The following WWOX variants were observed in gnomAD, a reference collection of about 807,000 sequenced individuals.
WWOX encodes WW domain containing oxidoreductase, also known as WW domain-containing oxidoreductase.
In WWOX, 69 loss-of-function variants were observed where a neutral mutation model predicts 46.2. That is an observed-to-expected ratio of 1.49 (90% confidence interval 1.23 to 1.82). The LOEUF (loss-of-function observed/expected upper bound fraction) is 1.82, where lower values mean the gene tolerates loss of function less well. Among genes scored for constraint, WWOX ranks in the 40% most tolerant of loss-of-function variants. The pLI is 0.00. For synonymous variants in WWOX, 359 were observed against 202.6 expected (o/e 1.77, Z -6.56); for missense variants, 919 against 542.6 (o/e 1.69, Z -6.89).
At chr16:78,455,162 C>G (rs190947122) in intron 8 of WWOX, among the ~76,000 whole-genome samples, 1 of 152,212 alleles carries the variant, frequency 6.6e-6, no homozygotes, top group African/African-American at 2.4e-5. Flanking sequence ...GATAAAGTTG[C>G]AGAACAGAGA....
At chr16:78,611,735 G>A (rs1456645068) in intron 8 of WWOX, among the ~76,000 whole-genome samples, 1 of 152,224 alleles carries the variant, frequency 6.6e-6, no homozygotes, top group Non-Finnish European at 1.5e-5. Flanking sequence ...TATGGTGCAT[G>A]TCGCTGATGG....
chr16:78,746,431 A>G (rs2049348365), intron 8 of WWOX, among the ~76,000 whole-genome samples: 2 of 152,198 alleles, frequency 1.3e-5, no homozygotes, highest in African/African-American at 2.4e-5. Flanking sequence ...CCAGGAGTTT[A>G]AGGCTGCAGT....
chr16:78,728,068 T>TCC (rs1485482444), intron 8 of WWOX, among the ~76,000 whole-genome samples: 3 of 140,708 alleles, frequency 2.1e-5, no homozygotes, highest in Admixed American at 7.1e-5. Flanking sequence ...TTTTTTTTTT[T>TCC]TTTTTTTTTT....
intron 5 of WWOX, among the ~76,000 whole-genome samples, chr16:78,203,240 C>A (rs1047124275): frequency 6.6e-6 from 1 of 152,074 alleles, no homozygotes; most frequent in African/African-American, 2.4e-5. Context: ...AATCAAGAGA[C>A]CCACCTTTGC....
intron 8 of WWOX, among the ~76,000 whole-genome samples, chr16:78,496,632 A>T (rs192477343): frequency 1.2e-4 from 18 of 152,332 alleles, no homozygotes; most frequent in Admixed American, 3.3e-4. Context: ...TCTTGAAGGG[A>T]GGGATGCATT....
intron 5 of WWOX, among the ~76,000 whole-genome samples, chr16:78,293,575 G>C (rs1007756277): frequency 6.6e-6 from 1 of 152,114 alleles, no homozygotes; most frequent in African/African-American, 2.4e-5. Flanking sequence ...GTGCTGGTGG[G>C]AGAATTGTTT....
intron 8 of WWOX, among the ~76,000 whole-genome samples, chr16:78,527,142 A>C (rs1434529901): frequency 6.6e-6 from 1 of 152,144 alleles, no homozygotes; most frequent in Non-Finnish European, 1.5e-5. Context: ...CAGCCTGGGC[A>C]AAAAGAGCGG....
At chr16:79,004,220 C>T (rs1444380769) in intron 8 of WWOX, 4 of 152,188 alleles carry the variant, frequency 2.6e-5, no homozygotes, top group Non-Finnish European at 4.4e-5. Context: ...ACCTTCAGAA[C>T]CACATCTAGC....
At chr16:79,071,495 G>T (rs1041264891) in intron 8 of WWOX, among the ~76,000 whole-genome samples, 2 of 152,146 alleles carry the variant, frequency 1.3e-5, no homozygotes, top group African/African-American at 2.4e-5. Context: ...TTTCTCTCTA[G>T]TTTGAAAACT....
intron 8 of WWOX, among the ~76,000 whole-genome samples, chr16:78,855,635 GAC>G (rs1326613084): frequency 6.6e-6 from 1 of 152,202 alleles, no homozygotes; most frequent in Non-Finnish European, 1.5e-5. Context: ...GAAGAGGGAA[GAC>G]AACCTGTCTT....
intron 6 of WWOX, among the ~76,000 whole-genome samples, chr16:78,398,665 A>G (rs146611155): frequency 7.7e-4 from 117 of 152,336 alleles, no homozygotes; most frequent in South Asian, 4.6e-3. Flanking sequence ...ACTTTGGCTA[A>G]TACATCTTGG....
intron 8 of WWOX, among the ~76,000 whole-genome samples, chr16:78,826,890 G>T (rs997397124): frequency 6.6e-6 from 1 of 152,168 alleles, no homozygotes; most frequent in Non-Finnish European, 1.5e-5. Context: ...TTCCCTGTAA[G>T]TGGAAGTGGT....
intron 5 of WWOX, among the ~76,000 whole-genome samples, chr16:78,183,829 C>T (rs182164466): frequency 6.6e-6 from 1 of 152,170 alleles, no homozygotes; most frequent in Non-Finnish European, 1.5e-5. Flanking sequence ...AGATTTGTGT[C>T]ATTTTCAAAC....
chr16:78,979,596 A>G (rs959290730), intron 8 of WWOX, among the ~76,000 whole-genome samples: 2 of 152,082 alleles, frequency 1.3e-5, no homozygotes, highest in Non-Finnish European at 2.9e-5. Context: ...CAGAGAGGAG[A>G]GTCAAATGGG....
intron 8 of WWOX, among the ~76,000 whole-genome samples, chr16:79,109,394 A>G (rs948033966): frequency 6.6e-6 from 1 of 152,114 alleles, no homozygotes; most frequent in South Asian, 2.1e-4. Context: ...CCGGAGTTTA[A>G]TGGATCAAGT....
At chr16:78,498,055 A>G (rs1375255447) in intron 8 of WWOX, among the ~76,000 whole-genome samples, 1 of 151,918 alleles carries the variant, frequency 6.6e-6, no homozygotes, top group African/African-American at 2.4e-5. Flanking sequence ...ACAAAAAGAA[A>G]TTAGCTGTGC....
chr16:78,254,499 C>CTTTTTTTTTTTTTTTTTTT (rs1597405923), intron 5 of WWOX, among the ~76,000 whole-genome samples: 1 of 52,138 alleles, frequency 1.9e-5, no homozygotes, highest in Non-Finnish European at 3.2e-5. Flanking sequence ...TCTTTTCTTT[C>CTTTTTTTTTTTTTTTTTTT]TTGTTTTTTT....
intron 8 of WWOX, among the ~76,000 whole-genome samples, chr16:79,010,460 C>T (rs556932374): frequency 1.3e-5 from 2 of 152,170 alleles, no homozygotes; most frequent in Non-Finnish European, 2.9e-5. Flanking sequence ...GCATCCCTGA[C>T]CAATCCACAG....
chr16:78,778,287 G>A (rs535869956), intron 8 of WWOX, among the ~76,000 whole-genome samples: 1 of 152,224 alleles, frequency 6.6e-6, no homozygotes, highest in South Asian at 2.1e-4. Flanking sequence ...TCTGGTGATT[G>A]GTAACCACTG....
Sources: gnomAD v4.1 joint callset for allele counts (sites outside exome capture counted in the v4.1 genomes callset) on GRCh38, gnomAD v4.1.1 for gene constraint, MANE v1.5 for transcripts, NCBI Gene and HGNC (gene_info 2026-07-23, HGNC 2026-07-21) for gene names.